LRP1B: variants seen among roughly 807,000 people sequenced by gnomAD.
LRP1B encodes the protein LDL receptor related protein 1B.
A neutral mutation model predicts 556.6 loss-of-function variants in LRP1B; 217 were observed. The ratio of observed to expected loss-of-function variants is 0.39; its 90% CI spans 0.35 to 0.44. The LOEUF is 0.44. LRP1B is among the 20% of genes least tolerant of loss of function. LRP1B has a pLI of 1.00. For synonymous variants in LRP1B, 2,047 were observed against 1,865.8 expected (o/e 1.10, Z -2.50); for missense variants, 5,053 against 5,620.8 (o/e 0.90, Z 3.23).
intron 2 of LRP1B, among the ~76,000 whole-genome samples, chr2:141,510,758 C>G (rs1004740826): frequency 6.6e-6 from 1 of 150,656 alleles, no homozygotes; most frequent in Non-Finnish European, 1.5e-5. Context: ...TGCTCAGTTA[C>G]TGATTTCTTC....
At position 142,086,640 on chromosome 2, in the gene LRP1B, C is replaced by CAAA. The variant is rs55654885; in HGVS notation, c.82+44005_82+44007dup. Among the ~76,000 whole-genome samples, 1,105 of 147,726 alleles carry CAAA rather than the reference C, an allele frequency of 7.5e-3. 15 individuals carry two copies. Among genetic ancestry groups the CAAA allele is most frequent in the African/African-American group, 0.019 (739 of 38,950 alleles). ...ACAAACAAACAAACAAACAAACAAA[C>CAAA]AAAAAAAAAACACAACTTGTCTCCA... is the stretch of plus-strand genomic sequence containing the variant. On this transcript the variant is annotated intron_variant, in intron 1 of 90. Transcript: ENST00000389484.
At chr2:141,836,255 A>G (rs1697274700) in intron 1 of LRP1B, among the ~76,000 whole-genome samples, 1 of 152,022 alleles carries the variant, frequency 6.6e-6, no homozygotes, top group Non-Finnish European at 1.5e-5. Context: ...AATATAATTT[A>G]TAATTTATTA....
intron 1 of LRP1B, among the ~76,000 whole-genome samples, chr2:141,912,110 A>T (rs1279945258): frequency 6.6e-6 from 1 of 152,166 alleles, no homozygotes; most frequent in Non-Finnish European, 1.5e-5. Context: ...TAAGATAATG[A>T]CTTCAACTCT....
At chr2:141,705,672 A>C (rs540702150) in intron 2 of LRP1B, among the ~76,000 whole-genome samples, 1 of 152,086 alleles carries the variant, frequency 6.6e-6, no homozygotes, top group Admixed American at 6.6e-5. Context: ...CTATTCACGA[A>C]CTCAGACTTT....
intron 3 of LRP1B, among the ~76,000 whole-genome samples, chr2:141,265,054 C>T (rs953038324): frequency 3.9e-5 from 6 of 152,138 alleles, no homozygotes; most frequent in African/African-American, 4.8e-5. Context: ...CATCGGGCAC[C>T]GAGCCCTTCC....
intron 60 of LRP1B, among the ~76,000 whole-genome samples, chr2:140,473,980 A>C (rs1191794767): frequency 1.3e-5 from 2 of 151,914 alleles, no homozygotes; most frequent in African/African-American, 2.4e-5. Context: ...TTCTTTAAAT[A>C]ACTTTTCACT....
intron 23 of LRP1B, among the ~76,000 whole-genome samples, chr2:140,897,047 T>C (rs2105212788): frequency 6.6e-6 from 1 of 152,290 alleles, no homozygotes; most frequent in Non-Finnish European, 1.5e-5. Flanking sequence ...ATGCACAAAG[T>C]GCACTATACA....
intron 1 of LRP1B, among the ~76,000 whole-genome samples, chr2:142,006,417 T>C (rs892163428): frequency 9.8e-5 from 15 of 152,354 alleles, no homozygotes; most frequent in African/African-American, 3.4e-4. Context: ...TAGGCTGTTA[T>C]GAAGCTAATA....
intron 1 of LRP1B, among the ~76,000 whole-genome samples, chr2:141,996,325 CACTG>C (rs1286378359): frequency 6.6e-6 from 1 of 151,972 alleles, no homozygotes; most frequent in African/African-American, 2.4e-5. Context: ...AATGAATCAA[CACTG>C]ACTCTTACTT....
chr2:142,105,875 G>A (rs1189428751), intron 1 of LRP1B, among the ~76,000 whole-genome samples: 1 of 152,056 alleles, frequency 6.6e-6, no homozygotes, highest in African/African-American at 2.4e-5. Flanking sequence ...GATAATGTAA[G>A]TCTAAATTAG....
In LRP1B at chr2:140,291,762, A is replaced by G. The variant is rs557563400; in HGVS notation, c.12967+6046T>C. 1.1e-4 allele frequency among the ~76,000 whole-genome samples: 16 copies of G among 152,272 alleles called. 1 individual carries two copies. The South Asian group carries it at 1.9e-3, about 18-fold the overall frequency. On this transcript the variant is annotated intron_variant, in intron 84 of 90. Coordinates refer to ENST00000389484, the MANE Select transcript of LRP1B (RefSeq NM_018557.3). ...GTTTGCTATTGTGAATAGTGCCACA[A>G]TAAACATATGTGTGCATGTTTCTTA...
At chr2:140,453,530 A>G (rs901499397) in intron 62 of LRP1B, among the ~76,000 whole-genome samples, 2 of 152,098 alleles carry the variant, frequency 1.3e-5, no homozygotes, top group African/African-American at 4.8e-5. Context: ...TAAAAGCTAT[A>G]AAGAACCTAC....
At chr2:141,166,542 T>A (rs879795577) in intron 7 of LRP1B, among the ~76,000 whole-genome samples, 2 of 151,874 alleles carry the variant, frequency 1.3e-5, no homozygotes, top group African/African-American at 4.8e-5. Context: ...AAACATTCCA[T>A]TTATACTCTT....
chr2:141,932,217 T>G (rs1042641033), intron 1 of LRP1B, among the ~76,000 whole-genome samples: 2 of 152,172 alleles, frequency 1.3e-5, no homozygotes, highest in African/African-American at 2.4e-5. Context: ...ATTTCTTGAG[T>G]GTATCAGATC....
chr2:140,533,185 T>C (rs971506511), intron 47 of LRP1B, among the ~76,000 whole-genome samples: 23 of 151,882 alleles, frequency 1.5e-4, no homozygotes, highest in Non-Finnish European at 2.4e-4. Context: ...TCAGCAAACA[T>C]TGGTATTCCA....
At chr2:141,798,512 T>C (rs888285777) in intron 2 of LRP1B, among the ~76,000 whole-genome samples, 2 of 151,782 alleles carry the variant, frequency 1.3e-5, no homozygotes, top group South Asian at 2.1e-4. Context: ...ATTGAGACCA[T>C]CCTGGCCAAC....
intron 66 of LRP1B, among the ~76,000 whole-genome samples, chr2:140,408,377 C>T (rs977277221): frequency 8.6e-5 from 13 of 151,940 alleles, no homozygotes; most frequent in African/African-American, 2.9e-4. Flanking sequence ...AGTGCCAATG[C>T]TGATCATGTA....
chr2:140,595,087 AATATATATAT>A (rs60138085), intron 43 of LRP1B, among the ~76,000 whole-genome samples: 1,248 of 99,390 alleles, frequency 0.013, 26 homozygotes, highest in African/African-American at 0.022. Flanking sequence ...ATATAAATTG[AATATATATAT>A]ATATATATAT....
At chr2:141,661,098 G>A (rs1024205846) in intron 2 of LRP1B, among the ~76,000 whole-genome samples, 17 of 152,122 alleles carry the variant, frequency 1.1e-4, no homozygotes, top group African/African-American at 3.6e-4. Context: ...GGACCTGACT[G>A]TTAAAAGAAA....
Sources: gnomAD v4.1 joint callset for allele counts (sites outside exome capture counted in the v4.1 genomes callset) on GRCh38, gnomAD v4.1.1 for gene constraint, MANE v1.5 for transcripts, NCBI Gene and HGNC (gene_info 2026-07-23, HGNC 2026-07-21) for gene names.